The following FMNL1 variants were observed in gnomAD, a reference collection of about 807,000 sequenced individuals.
The protein encoded by FMNL1 is formin like 1.
Under a neutral mutation model 121.3 loss-of-function variants are expected in FMNL1, and 43 were observed. The ratio of observed to expected loss-of-function variants is 0.35; its 90% CI spans 0.28 to 0.46. FMNL1 has a LOEUF of 0.46. Among genes scored for constraint, FMNL1 ranks in the 20% least tolerant of loss-of-function variants. The pLI is 1.00. For missense variants in FMNL1, 1,191 were observed against 1,482.4 expected, an observed-to-expected ratio of 0.80 and a Z score of 3.23; for synonymous variants, 613 against 613.5, an observed-to-expected ratio of 1.00 and a Z score of 0.01.
At chr17:45,240,679 G>A (rs1224516891) in intron 12 of FMNL1, 54 bp downstream of exon 12, 53 of 1,566,174 alleles carry the variant, frequency 3.4e-5, no homozygotes, top group Middle Eastern at 4.4e-4. Flanking sequence ...CAGGGCACAC[G>A]GGCCACAGGG....
At chr17:45,232,621 GTATT>G in intron 3 of FMNL1, 141 bp downstream of exon 3, 1 of 777,926 alleles carries the variant, frequency 1.3e-6, no homozygotes, top group Non-Finnish European at 2.1e-6. Context: ...GTGTGTCTGT[GTATT>G]TATAGGGGAA....
At chr17:45,222,289 G>T (rs1837566866) in intron 1 of FMNL1, 36 bp downstream of exon 1, 5 of 1,158,544 alleles carry the variant, frequency 4.3e-6, no homozygotes, top group Non-Finnish European at 5.3e-6. Context: ...GGCGCGGGCG[G>T]GGGGCGGCAG....
At position 45,243,878 on chromosome 17, in the gene FMNL1, C is replaced by A; in HGVS notation, c.2301C>A (p.Arg767=). 6.2e-7 allele frequency: 1 copy of A among 1,613,960 alleles called. No homozygotes were observed. The highest frequency in any genetic ancestry group is 8.5e-7 in the Non-Finnish European group (1 of 1,180,038). Residue 767 remains arginine (R), a synonymous_variant, in exon 18 of 27, where the codon CGC becomes CGA. Coordinates refer to ENST00000331495, the MANE Select transcript of FMNL1 (RefSeq NM_005892.4). Reference sequence around the variant, plus strand: ...AGTATGAGCGCAGCCTCATCACCCGCTTTGAGCGGGAGCAGCGGCCAATGG... The same window carrying A: ...AGTATGAGCGCAGCCTCATCACCCGATTTGAGCGGGAGCAGCGGCCAATGG... ...PTEYERSLIT[R]FEREQRPMEE...
chr17:45,233,067 C>T lies in FMNL1; in HGVS notation c.328-157C>T. The T allele has an allele frequency of 1.4e-6, 1 of 722,912 alleles. No individual in the cohort carries two copies. The highest frequency in any genetic ancestry group is 2.7e-5 in the East Asian group (1 of 36,460). 44.8% of individuals were successfully genotyped at this position (722,912 alleles called of 1,614,324 possible). Reference sequence around the variant, plus strand: ...ATGTAGCCTGTGAGTTCTTATTCTGCTGGGCAGGTGTGTGGAGGTGGTGGG... The same window carrying T: ...ATGTAGCCTGTGAGTTCTTATTCTGTTGGGCAGGTGTGTGGAGGTGGTGGG... On this transcript the variant is annotated intron_variant, in intron 3 of 26. Coordinates refer to ENST00000331495, the MANE Select transcript of FMNL1 (RefSeq NM_005892.4). The surrounding 1 kb of genome is among the most constrained non-coding windows in gnomAD (Gnocchi z 4.1).
At chr17:45,232,516 C>T (rs1419851265) in intron 3 of FMNL1, 36 bp downstream of exon 3, 10 of 1,597,946 alleles carry the variant, frequency 6.3e-6, no homozygotes, top group Middle Eastern at 1.7e-4. Context: ...TCCCTTTCCC[C>T]CACATTTTCC....
At position 45,234,111 on chromosome 17, in the gene FMNL1, A is replaced by G. The variant is rs1237388804; in HGVS notation, c.525A>G (p.Ser175=). The G allele has an allele frequency of 3.1e-6, 5 of 1,614,132 alleles. No homozygotes were observed. The East Asian group carries it at 1.1e-4, about 36-fold the overall frequency. ...MESTDNGASN[S]EKNKPLEQSV... ...GCACAGACAACGGGGCTTCCAACTC[A>G]GAGAAAAACAAGCCCCTGGAGCAGT... The change falls in exon 6 of 27, where the codon TCA becomes TCG. Residue 175 remains serine, a synonymous_variant. Coordinates refer to ENST00000331495, the MANE Select transcript of FMNL1 (RefSeq NM_005892.4).
intron 1 of FMNL1, among the ~76,000 whole-genome samples, chr17:45,224,900 C>T (rs548971353): frequency 8.9e-4 from 136 of 152,352 alleles, no homozygotes; most frequent in Non-Finnish European, 1.0e-3. Context: ...GCCAAGCTCT[C>T]GCCTCTCCTA....
intron 1 of FMNL1, 87 bp downstream of exon 1, chr17:45,222,340 A>G: frequency 9.5e-7 from 1 of 1,054,200 alleles, no homozygotes; most frequent in Non-Finnish European, 1.2e-6. Context: ...GCCCCCGGGG[A>G]CTCAGGTGCC....
At position 45,240,534 on chromosome 17, in the gene FMNL1, A is replaced by G; in HGVS notation, c.1139A>G (p.Asn380Ser). 6.2e-7 allele frequency: 1 copy of G among 1,613,574 alleles called. No individual in the cohort carries two copies. The highest frequency in any genetic ancestry group is 8.5e-7 in the Non-Finnish European group (1 of 1,179,906). Residue 380 changes from asparagine to serine, a missense_variant, in exon 12 of 27, where the codon AAT becomes AGT. Transcript: ENST00000331495. ...LQVQIQAYLD[N>S]IFDVGALLED... ...GTGCAGATCCAGGCGTACCTGGACA[A>G]TATTTTTGATGTGGGGGCGCTGCTG...
At chr17:45,242,219 C>T in intron 15 of FMNL1, 73 bp downstream of exon 15, 1 of 1,558,362 alleles carries the variant, frequency 6.4e-7, no homozygotes, top group South Asian at 1.2e-5. Flanking sequence ...TCAGTGTCCT[C>T]CAGGGTCCTC....
chr17:45,244,387 T>C (rs1598211810), intron 19 of FMNL1, 143 bp downstream of exon 19: 1 of 1,132,808 alleles, frequency 8.8e-7, no homozygotes, highest in East Asian at 2.6e-5. Context: ...CTAAGGGTGG[T>C]GGCGAGTGGG....
At chr17:45,234,337 A>C (rs143814916) in intron 6 of FMNL1, 137 bp downstream of exon 6, 39,886 of 1,452,982 alleles carry the variant, frequency 0.027, 589 homozygotes, top group Middle Eastern at 0.043. Flanking sequence ...TAAGGGACTC[A>C]TACAGAGTTT....
chr17:45,244,487 A>G (rs1182343374), intron 19 of FMNL1, among the ~76,000 whole-genome samples: 1 of 152,174 alleles, frequency 6.6e-6, no homozygotes, highest in African/African-American at 2.4e-5. Context: ...GAGCAACCTC[A>G]CCTGCTCAGT....
intron 5 of FMNL1, 59 bp from the exon 6 acceptor site, chr17:45,234,012 GC>G: frequency 6.3e-7 from 1 of 1,591,756 alleles, no homozygotes; most frequent in South Asian, 1.1e-5. Flanking sequence ...CGTTTCCTCT[GC>G]CCCCTCTTAA....
At chr17:45,222,452 C>T (rs1393298369) in intron 1 of FMNL1, among the ~76,000 whole-genome samples, 199 bp downstream of exon 1, 1 of 152,098 alleles carries the variant, frequency 6.6e-6, no homozygotes, top group Non-Finnish European at 1.5e-5. Flanking sequence ...AAACTTTCTT[C>T]AGTTATCGCC....
At position 45,222,259 on chromosome 17, in the gene FMNL1, T is replaced by C; in HGVS notation, c.129+6T>C. The C allele has an allele frequency of 8.5e-7, 1 of 1,177,052 alleles. No individual in the cohort carries two copies. The allele number at this position is 1,177,052 out of a possible 1,614,324, so 72.9% of individuals were successfully genotyped here. A position where few individuals can be genotyped will look rare whatever the true frequency, so the allele number is the denominator to read the frequency against. Reference sequence around the variant, plus strand: ...AGAGGTTCAACCGCGCCCTGGTGAGTGCGACCCGGAGGCGGGTCGGGCGCG... The same window carrying C: ...AGAGGTTCAACCGCGCCCTGGTGAGCGCGACCCGGAGGCGGGTCGGGCGCG... On this transcript the variant is annotated splice_donor_region_variant and intron_variant, in intron 1 of 26. Coordinates refer to ENST00000331495, the MANE Select transcript of FMNL1 (RefSeq NM_005892.4).
intron 1 of FMNL1, among the ~76,000 whole-genome samples, chr17:45,223,176 T>TGTCA (rs1331839987): frequency 2.6e-5 from 4 of 152,212 alleles, no homozygotes; most frequent in Non-Finnish European, 5.9e-5. Context: ...GCCTGCCTGC[T>TGTCA]GTCAGCCTTC....
intron 25 of FMNL1, 46 bp from the exon 26 acceptor site, chr17:45,246,459 C>T: frequency 6.2e-7 from 1 of 1,613,754 alleles, no homozygotes; most frequent in East Asian, 2.2e-5. Flanking sequence ...TTTTTCTTTC[C>T]TTTTTCCTTT....
chr17:45,235,521 A>G (rs1045492403), intron 6 of FMNL1, among the ~76,000 whole-genome samples: 1 of 152,350 alleles, frequency 6.6e-6, no homozygotes, highest in East Asian at 1.9e-4. Flanking sequence ...TGATAGAATC[A>G]TCAGAGAGAC....
Sources: allele counts gnomAD v4.1 joint callset (sites outside exome capture counted in the v4.1 genomes callset), GRCh38; gene constraint gnomAD v4.1.1; non-coding constraint Gnocchi (gnomAD v3.1); transcripts MANE v1.5; gene names NCBI Gene and HGNC (gene_info 2026-07-23, HGNC 2026-07-21).